Variants in ZNF718 observed in about 807,000 individuals in gnomAD.
ZNF718 encodes the protein zinc finger protein 718.
Under a neutral mutation model 2.6 loss-of-function variants are expected in ZNF718, and 3 were observed. The observed-to-expected ratio is 1.16, with a 90% CI of 0.53 to 3.01. The LOEUF is 3.01. ZNF718 is among the 30% of genes most tolerant of loss of function. The pLI, the probability that ZNF718 is intolerant of heterozygous loss-of-function variation, is 0.03. For missense variants in ZNF718, 468 were observed against 230.0 expected (o/e 2.03, Z -6.69); for synonymous variants, 135 against 77.9 (o/e 1.73, Z -3.86).
At chr4:177,010 A>G (rs932476098) in intron 3 of ZNF718, among the ~76,000 whole-genome samples, 1 of 152,186 alleles carries the variant, frequency 6.6e-6, no homozygotes, top group Admixed American at 6.5e-5. Flanking sequence ...TTGGACCAGA[A>G]CATACACTCT....
intron 3 of ZNF718, among the ~76,000 whole-genome samples, chr4:136,067 C>T (rs1046882979): frequency 6.6e-6 from 1 of 152,024 alleles, no homozygotes; most frequent in African/African-American, 2.4e-5. Context: ...GGTTGTGTTA[C>T]CGGAGATTTG....
At chr4:165,083 A>C (rs1427415317), downstream of ZNF718, among the ~76,000 whole-genome samples, 4 of 152,082 alleles carry the variant, frequency 2.6e-5, no homozygotes, top group Non-Finnish European at 4.4e-5. Flanking sequence ...TGATGTCTTT[A>C]TGTGTTCATC....
intron 3 of ZNF718, among the ~76,000 whole-genome samples, chr4:190,413 G>C (rs529764773): frequency 1.5e-5 from 2 of 134,750 alleles, no homozygotes; most frequent in Non-Finnish European, 3.1e-5. Flanking sequence ...CTGGGTGAGA[G>C]AGCAAAACTC....
chr4:137,069 C>A (rs1448912675), intron 3 of ZNF718, among the ~76,000 whole-genome samples: 3 of 152,028 alleles, frequency 2.0e-5, no homozygotes, highest in Admixed American at 2.0e-4. Context: ...TTTTTAAAAG[C>A]ATGTGGCACC....
intron 3 of ZNF718, among the ~76,000 whole-genome samples, chr4:147,110 A>G (rs1581440810): frequency 1.3e-5 from 2 of 152,222 alleles, no homozygotes; most frequent in South Asian, 2.1e-4. Context: ...AGCTGTGACT[A>G]CAGGTGTGCA....
At chr4:197,609 T>A (rs1717818282) in intron 3 of ZNF718, among the ~76,000 whole-genome samples, 1 of 152,170 alleles carries the variant, frequency 6.6e-6, no homozygotes, top group Admixed American at 6.5e-5. Flanking sequence ...CCAATCCAAG[T>A]GCTGCTACTC....
rs1227706548 is a variant in ZNF718 at position 130,012 on chromosome 4, A to G, written c.4-776A>G. The stretch of plus-strand genomic sequence containing the variant: ...AAATGCAGACTTACTCAGACTTGCC[A>G]CCATCTTCCGCCTCTGTAAACATTA... On this transcript the variant is annotated intron_variant, in intron 1 of 3. Coordinates refer to ENST00000510175, the MANE Select transcript of ZNF718 (RefSeq NM_001039127.6). 6.3e-4 allele frequency among the ~76,000 whole-genome samples: 66 copies of G among 105,062 alleles called. 30 individuals are homozygous for G. The East Asian group carries it at 0.034, about 54-fold the overall frequency. The allele number at this position is 105,062 out of a possible 152,430, so 68.9% of individuals were successfully genotyped here. A position where few individuals can be genotyped will look rare whatever the true frequency, so the allele number is the denominator to read the frequency against.
Position 151,887 on chromosome 4 carries a change from C to T in ZNF718, c.227-9025C>T, listed in dbSNP as rs1483207377. Among the ~76,000 whole-genome samples the T allele has an allele frequency of 1.0e-4, 15 of 150,534 alleles. No homozygotes were observed. The South Asian group carries it at 1.9e-3, about 19-fold the overall frequency. ...CCAGCGTTCAGCATATGGAGGATCC[C>T]GCCAGCCTCTGAGTTCCCTTAGTAT... On this transcript the variant is annotated intron_variant, in intron 3 of 3. Transcript: ENST00000510175.
intron 3 of ZNF718, among the ~76,000 whole-genome samples, chr4:139,962 A>G (rs1312490373): frequency 2.0e-5 from 3 of 150,106 alleles, no homozygotes; most frequent in African/African-American, 7.4e-5. Context: ...TTTTTCCTTT[A>G]TTTCTCAGTC....
intron 3 of ZNF718, among the ~76,000 whole-genome samples, chr4:139,191 C>A (rs1467810176): frequency 6.6e-6 from 1 of 152,124 alleles, no homozygotes; most frequent in Admixed American, 6.6e-5. Context: ...CTCAAGACAT[C>A]TTTGTTCAGT....
chr4:169,505 T>C (rs1474174211), intron 3 of ZNF718, among the ~76,000 whole-genome samples: 1 of 152,206 alleles, frequency 6.6e-6, no homozygotes, highest in Non-Finnish European at 1.5e-5. Flanking sequence ...TCTAGGTCTC[T>C]AACGACTTGC....
intron 3 of ZNF718, among the ~76,000 whole-genome samples, chr4:135,243 A>AT (rs1715507355): frequency 6.6e-6 from 1 of 151,484 alleles, no homozygotes; most frequent in African/African-American, 2.4e-5. Context: ...TTGTCTTAAA[A>AT]AAAAAAAAAA....
intron 3 of ZNF718, among the ~76,000 whole-genome samples, chr4:148,403 G>A (rs1171938201): frequency 6.6e-6 from 1 of 152,016 alleles, no homozygotes. Flanking sequence ...GAGGTCAGGA[G>A]TTCGAGACCA....
chr4:188,047 CA>C lies in ZNF718; in HGVS notation c.227-13033del, dbSNP rs1208505243. ...CCATGCCTCGACAAAACAGCCATTCCATGCTGGGGAACCACCTTTGTCCCAG... is the reference window on the plus strand; with the variant it reads ...CCATGCCTCGACAAAACAGCCATTCCTGCTGGGGAACCACCTTTGTCCCAG... On this transcript the variant is annotated intron_variant and NMD_transcript_variant, in intron 3 of 4. Coordinates refer to the ZNF718 transcript ENST00000642529. 2.6e-5 allele frequency among the ~76,000 whole-genome samples: 4 copies of C among 152,192 alleles called. 1 individual carries two copies. The highest frequency in any genetic ancestry group is 5.9e-5 in the Non-Finnish European group (4 of 68,032).
At chr4:188,211 G>T (rs111422110) in intron 3 of ZNF718, among the ~76,000 whole-genome samples, 67 of 152,272 alleles carry the variant, frequency 4.4e-4, no homozygotes, top group Middle Eastern at 6.8e-3. Flanking sequence ...CTGGCTGGAG[G>T]CCCCTGCTGG....
intron 3 of ZNF718, among the ~76,000 whole-genome samples, chr4:143,075 G>A (rs1553810534): frequency 6.6e-6 from 1 of 152,204 alleles, no homozygotes; most frequent in Non-Finnish European, 1.5e-5. Context: ...TGAGAACACC[G>A]TAACCTATAA....
At chr4:175,232 C>T (rs781984434) in intron 3 of ZNF718, among the ~76,000 whole-genome samples, 1 of 152,216 alleles carries the variant, frequency 6.6e-6, no homozygotes, top group African/African-American at 2.4e-5. Flanking sequence ...GATCAGCAGT[C>T]CTCATTAAAA....
At chr4:197,839 G>A (rs781973015) in intron 3 of ZNF718, among the ~76,000 whole-genome samples, 17 of 152,106 alleles carry the variant, frequency 1.1e-4, no homozygotes, top group Non-Finnish European at 2.4e-4. Context: ...CCAGATCCTG[G>A]GGGCTTCTGA....
intron 3 of ZNF718, among the ~76,000 whole-genome samples, chr4:181,002 TTC>T (rs1172273470): frequency 2.0e-5 from 3 of 152,048 alleles, no homozygotes; most frequent in Non-Finnish European, 2.9e-5. Context: ...GCAAATGTTT[TTC>T]TGTTTCATGA....
Sources: gnomAD v4.1 joint callset for allele counts (sites outside exome capture counted in the v4.1 genomes callset) on GRCh38, gnomAD v4.1.1 for gene constraint, MANE v1.5 for transcripts, NCBI Gene and HGNC (gene_info 2026-07-23, HGNC 2026-07-21) for gene names.